PALM2AKAP2: variants seen among roughly 807,000 people sequenced by gnomAD.
The protein encoded by PALM2AKAP2 is PALM2-AKAP2 fusion protein.
A neutral mutation model predicts 71.5 loss-of-function variants in PALM2AKAP2; 37 were observed. The observed-to-expected ratio is 0.52, with a 90% CI of 0.40 to 0.68. The LOEUF (loss-of-function observed/expected upper bound fraction) is 0.68, where lower values mean the gene tolerates loss of function less well. PALM2AKAP2 is among the 30% of genes least tolerant of loss of function. PALM2AKAP2 has a pLI of 0.00. For synonymous variants in PALM2AKAP2, 468 were observed against 478.8 expected (o/e 0.98, Z 0.29); for missense variants, 1,224 against 1,191.8 (o/e 1.03, Z -0.40).
At chr9:109,921,057 T>C (rs1830818100) in intron 3 of PALM2AKAP2, among the ~76,000 whole-genome samples, 1 of 152,250 alleles carries the variant, frequency 6.6e-6, no homozygotes. Context: ...TACATCTTTA[T>C]GTTCGTATCT....
chr9:109,643,933 A>G (rs1368383175), intron 1 of PALM2AKAP2, among the ~76,000 whole-genome samples: 1 of 152,148 alleles, frequency 6.6e-6, no homozygotes, highest in Non-Finnish European at 1.5e-5. Flanking sequence ...GCTTTCAGTC[A>G]TGGAGAAAGG....
At position 109,729,992 on chromosome 9, in the gene PALM2AKAP2, G is replaced by A. The variant is rs376961763; in HGVS notation, c.6-50496G>A. 2.7e-4 allele frequency among the ~76,000 whole-genome samples: 41 copies of A among 152,312 alleles called. No individual in the cohort carries two copies. In the South Asian group the frequency reaches 4.1e-3, roughly 15 times the overall value. The stretch of plus-strand genomic sequence containing the variant: ...GATCACTTGTTTGCATACAACAAGC[G>A]TGTACTAATTATTTCTTGAGTGAAC... On this transcript the variant is annotated intron_variant, in intron 1 of 6. Transcript: ENST00000374531.
intron 6 of PALM2AKAP2, among the ~76,000 whole-genome samples, chr9:109,995,848 C>G (rs1394754077): frequency 2.0e-5 from 3 of 152,160 alleles, no homozygotes; most frequent in African/African-American, 7.2e-5. Flanking sequence ...GAATGGAAGA[C>G]AGATCTGAGC....
intron 6 of PALM2AKAP2, among the ~76,000 whole-genome samples, chr9:109,964,155 A>T (rs1831901286): frequency 6.6e-6 from 1 of 152,244 alleles, no homozygotes; most frequent in South Asian, 2.1e-4. Flanking sequence ...GTATGTCAGC[A>T]TCTATTTGTG....
At chr9:109,708,270 A>G (rs558492409) in intron 1 of PALM2AKAP2, among the ~76,000 whole-genome samples, 2 of 152,270 alleles carry the variant, frequency 1.3e-5, no homozygotes, top group East Asian at 1.9e-4. Flanking sequence ...AGCCCATCAC[A>G]TGCTACAAGA....
At chr9:110,118,467 C>T (rs1351701164) in intron 1 of PALM2AKAP2, among the ~76,000 whole-genome samples, 4 of 152,106 alleles carry the variant, frequency 2.6e-5, no homozygotes, top group African/African-American at 9.7e-5. Flanking sequence ...AGGCTGGTCT[C>T]AAGCTCCTGT....
chr9:110,010,478 T>C (rs1197428098), intron 6 of PALM2AKAP2, among the ~76,000 whole-genome samples: 2 of 148,126 alleles, frequency 1.4e-5, no homozygotes, highest in Admixed American at 6.8e-5. Flanking sequence ...TTATACATAC[T>C]ATATATGTAT....
intron 7 of PALM2AKAP2, among the ~76,000 whole-genome samples, chr9:110,026,991 C>T (rs151102325): frequency 2.0e-5 from 3 of 152,140 alleles, no homozygotes; most frequent in South Asian, 4.2e-4. Context: ...TGCAGTGAGC[C>T]GAGATCGCGC....
intron 1 of PALM2AKAP2, among the ~76,000 whole-genome samples, chr9:109,863,124 C>A (rs958752482): frequency 6.6e-6 from 1 of 152,092 alleles, no homozygotes; most frequent in African/African-American, 2.4e-5. Flanking sequence ...GTTGGAGAAG[C>A]CAAGAATGGA....
intron 1 of PALM2AKAP2, among the ~76,000 whole-genome samples, chr9:110,108,392 C>T (rs1008074152): frequency 2.2e-4 from 33 of 152,222 alleles, no homozygotes; most frequent in African/African-American, 7.7e-4. Flanking sequence ...GGATTACAGG[C>T]GTGAGCCACC....
At chr9:109,885,391 A>T (rs1443744141) in intron 3 of PALM2AKAP2, among the ~76,000 whole-genome samples, 2 of 152,204 alleles carry the variant, frequency 1.3e-5, no homozygotes, top group Non-Finnish European at 2.9e-5. Flanking sequence ...AATAAGAATT[A>T]CCAGGCCTCA....
intron 1 of PALM2AKAP2, among the ~76,000 whole-genome samples, chr9:109,741,737 G>A (rs1264054530): frequency 5.9e-5 from 9 of 152,172 alleles, no homozygotes. Flanking sequence ...AACATTATAG[G>A]TCTTAGCATT....
At chr9:109,815,540 AG>A (rs1187493926) in intron 1 of PALM2AKAP2, among the ~76,000 whole-genome samples, 1 of 152,130 alleles carries the variant, frequency 6.6e-6, no homozygotes, top group Non-Finnish European at 1.5e-5. Context: ...AGACAGAAAC[AG>A]GGGGGTAGGT....
At chr9:109,720,049 C>T (rs774416663) in intron 1 of PALM2AKAP2, among the ~76,000 whole-genome samples, 4 of 151,394 alleles carry the variant, frequency 2.6e-5, no homozygotes, top group Admixed American at 6.6e-5. Flanking sequence ...AGTGCAGTGG[C>T]GTGATCTCCG....
intron 7 of PALM2AKAP2, among the ~76,000 whole-genome samples, chr9:110,042,200 G>T (rs1362083848): frequency 6.6e-6 from 1 of 152,218 alleles, no homozygotes; most frequent in Non-Finnish European, 1.5e-5. Flanking sequence ...GCCGAAGCTT[G>T]CAGATCACCT....
chr9:109,643,695 A>G (rs757767998), intron 1 of PALM2AKAP2, among the ~76,000 whole-genome samples: 7 of 152,178 alleles, frequency 4.6e-5, no homozygotes, highest in Non-Finnish European at 7.3e-5. Context: ...ATTCCCAAGC[A>G]ACATTCCAAA....
At chr9:110,003,082 C>T (rs7045355) in intron 6 of PALM2AKAP2, among the ~76,000 whole-genome samples, 110,403 of 152,016 alleles carry the variant, frequency 0.73, 40,545 homozygotes, top group African/African-American at 0.78. Flanking sequence ...AGCTTTTGAA[C>T]GTGTTTGCTC....
chr9:109,979,601 C>T (rs1832233367), intron 6 of PALM2AKAP2, among the ~76,000 whole-genome samples: 1 of 152,214 alleles, frequency 6.6e-6, no homozygotes, highest in African/African-American at 2.4e-5. Flanking sequence ...GCTGTCTTTA[C>T]TGTCTTTATT....
intron 1 of PALM2AKAP2, chr9:110,125,718 A>G (rs1185869190): frequency 2.0e-6 from 1 of 504,872 alleles, no homozygotes; most frequent in Non-Finnish European, 2.5e-6. Flanking sequence ...TGTGCTGTGG[A>G]GTCCTTTCTT....
Sources: allele counts gnomAD v4.1 joint callset (sites outside exome capture counted in the v4.1 genomes callset), GRCh38; gene constraint gnomAD v4.1.1; transcripts MANE v1.5; gene names NCBI Gene and HGNC (gene_info 2026-07-23, HGNC 2026-07-21).